CAMTA1: variants seen among roughly 807,000 people sequenced by gnomAD.
CAMTA1 encodes the protein calmodulin binding transcription activator 1.
CAMTA1 carries 27 observed loss-of-function variants against 170.9 expected under a neutral mutation model. That is an observed-to-expected ratio of 0.16 (90% confidence interval 0.12 to 0.22). The LOEUF (loss-of-function observed/expected upper bound fraction) is 0.22. Ranked by LOEUF, CAMTA1 falls within the 10% of genes least tolerant of loss-of-function variation. CAMTA1 has a pLI of 1.00. For synonymous variants in CAMTA1, 833 were observed against 891.5 expected (o/e 0.93, Z 1.17); for missense variants, 1,619 against 2,217.2 (o/e 0.73, Z 5.42).
At chr1:6,953,899 C>T (rs1476053624) in intron 3 of CAMTA1, among the ~76,000 whole-genome samples, 1 of 152,144 alleles carries the variant, frequency 6.6e-6, no homozygotes, top group East Asian at 1.9e-4. Context: ...GGAGAAGCCG[C>T]AGTCTTTCAG....
rs373405924 is a variant in CAMTA1 at position 6,968,350 on chromosome 1, G to A, written c.235-122954G>A. Among the ~76,000 whole-genome samples the A allele has an allele frequency of 8.5e-5, 13 of 152,236 alleles. No homozygotes were observed. The South Asian group carries it at 2.3e-3, about 27-fold the overall frequency. On this transcript the variant is annotated intron_variant, in intron 3 of 22. Transcript: ENST00000303635. ...GAAGGATGGCCCTTGCCCCTCTCCC[G>A]TCCTTTATTTGGTTGGAAAGATCAT...
Position 7,041,296 on chromosome 1 carries a change from C to T in CAMTA1, c.235-50008C>T, listed in dbSNP as rs1704420693. ...CAGAGGGGCTCAGAGCCAGTCCAGT[C>T]AGACCTGCGAGGCCTGGGCTGTGGC... On this transcript the variant is annotated intron_variant, in intron 3 of 22. Transcript: ENST00000303635. This position sits in a 1 kb window ranked among gnomAD's most constrained non-coding sequence, Gnocchi z 5.1. 6.6e-6 allele frequency among the ~76,000 whole-genome samples: 1 copy of T among 152,234 alleles called. No individual in the cohort carries two copies. Among genetic ancestry groups the T allele is most frequent in the African/African-American group, 2.4e-5 (1 of 41,456 alleles).
In CAMTA1 at chr1:7,111,737, T is replaced by C. The variant is rs535141683; in HGVS notation, c.302+20366T>C. On this transcript the variant is annotated intron_variant, in intron 4 of 22. Coordinates refer to ENST00000303635, the MANE Select transcript of CAMTA1 (RefSeq NM_015215.4). Reference sequence around the variant, plus strand: ...CATCTCTACTAAAAATACAAAAAATTAGCCAGGCGTGGTGGCACATGCCTG... The same window carrying C: ...CATCTCTACTAAAAATACAAAAAATCAGCCAGGCGTGGTGGCACATGCCTG... 2.3e-4 allele frequency among the ~76,000 whole-genome samples: 35 copies of C among 151,926 alleles called. No homozygotes were observed. In the South Asian group the frequency reaches 7.3e-3, roughly 32 times the overall value.
chr1:6,832,298 A>G (rs977000777), intron 3 of CAMTA1, among the ~76,000 whole-genome samples: 2 of 152,076 alleles, frequency 1.3e-5, no homozygotes, highest in Non-Finnish European at 2.9e-5. Flanking sequence ...GGCCCATCCA[A>G]ACAACTGAGC....
At chr1:7,407,778 C>G (rs1197959907) in intron 5 of CAMTA1, among the ~76,000 whole-genome samples, 1 of 152,080 alleles carries the variant, frequency 6.6e-6, no homozygotes, top group African/African-American at 2.4e-5. Flanking sequence ...ATGCCCAGGC[C>G]AAGGTCCAGG....
intron 6 of CAMTA1, among the ~76,000 whole-genome samples, chr1:7,549,965 C>G (rs907364387): frequency 6.6e-6 from 1 of 151,946 alleles, no homozygotes; most frequent in African/African-American, 2.4e-5. Context: ...AGGTTAGGGG[C>G]TCTGGTGCTC....
chr1:7,206,148 G>A (rs1206856623), intron 4 of CAMTA1, among the ~76,000 whole-genome samples: 3 of 152,096 alleles, frequency 2.0e-5, no homozygotes, highest in Non-Finnish European at 4.4e-5. Flanking sequence ...TTCCCATTGA[G>A]GCTTTTCTGT....
At chr1:7,215,167 T>TA (rs397781325) in intron 4 of CAMTA1, among the ~76,000 whole-genome samples, 7 of 151,854 alleles carry the variant, frequency 4.6e-5, no homozygotes, top group South Asian at 2.1e-4. Flanking sequence ...TCCTATTTTT[T>TA]AAAAAAAAGA....
intron 4 of CAMTA1, among the ~76,000 whole-genome samples, chr1:7,168,734 A>G (rs1649010083): frequency 1.3e-5 from 2 of 152,248 alleles, no homozygotes; most frequent in Non-Finnish European, 1.5e-5. Context: ...CTGCACAGTA[A>G]TGCAAGAACA....
At chr1:6,925,549 G>T (rs547384988) in intron 3 of CAMTA1, among the ~76,000 whole-genome samples, 1 of 152,208 alleles carries the variant, frequency 6.6e-6, no homozygotes, top group South Asian at 2.1e-4. Context: ...TCCCCTCGGC[G>T]CCTTGGAGTA....
At chr1:7,270,298 T>C (rs1402769516) in intron 5 of CAMTA1, among the ~76,000 whole-genome samples, 1 of 146,326 alleles carries the variant, frequency 6.8e-6, no homozygotes, top group Non-Finnish European at 1.5e-5. Context: ...TATATTTTTT[T>C]TTTTTTTTCT....
chr1:6,926,438 C>CTCTCTCTTTCTTTCTT (rs1553187940), intron 3 of CAMTA1, among the ~76,000 whole-genome samples: 1 of 126,088 alleles, frequency 7.9e-6, no homozygotes, highest in East Asian at 2.3e-4. Flanking sequence ...TCTTTCTTTT[C>CTCTCTCTTTCTTTCTT]TCTTTCTTTC....
At chr1:7,277,361 C>T (rs34190545) in intron 5 of CAMTA1, among the ~76,000 whole-genome samples, 59,932 of 151,900 alleles carry the variant, frequency 0.39, 12,258 homozygotes, top group East Asian at 0.6. Flanking sequence ...ACTGGTATCA[C>T]TGAGTTGATA....
In CAMTA1 at chr1:7,768,005, A is replaced by G. The variant is rs1301937344; in HGVS notation, c.*1514A>G. 1 of 152,554 alleles carries G rather than the reference A, an allele frequency of 6.6e-6. No individual in the cohort carries two copies. The highest frequency in any genetic ancestry group is 1.5e-5 in the Non-Finnish European group (1 of 67,998). 9.5% of individuals were successfully genotyped at this position (152,554 alleles called of 1,614,324 possible). On this transcript the variant is annotated 3_prime_UTR_variant, in exon 23 of 23. Transcript: ENST00000303635. ...ATGGTGCCAAGTAATGTGAATGCTA[A>G]TACTGCTTAAGAAAATTAAGTTACT...
chr1:7,276,303 A>ATATATATATATTTTTTTTTT, intron 5 of CAMTA1, among the ~76,000 whole-genome samples: 1 of 24,232 alleles, frequency 4.1e-5, no homozygotes, highest in African/African-American at 3.0e-4. Context: ...ATATATATAT[A>ATATATATATATTTTTTTTTT]TTTTTTTTTT....
intron 3 of CAMTA1, among the ~76,000 whole-genome samples, chr1:6,875,646 G>T (rs972889935): frequency 6.6e-6 from 1 of 152,052 alleles, no homozygotes; most frequent in Admixed American, 6.5e-5. Context: ...TTCAACAACC[G>T]CCCCTCTTCC....
In CAMTA1 at chr1:7,664,132, A is replaced by G; in HGVS notation, c.1585A>G (p.Thr529Ala). The G allele has an allele frequency of 6.2e-7, 1 of 1,613,310 alleles. No individual in the cohort carries two copies. The highest frequency in any genetic ancestry group is 1.7e-5 in the Admixed American group (1 of 60,026). The change falls in exon 9 of 23, where the codon ACC (threonine) becomes GCC (alanine). Residue 529 changes from threonine (T) to alanine (A), a missense_variant. By Grantham distance (58) the Thr-to-Ala change is moderately conservative. Around this residue, in one of 8 missense-constraint regions of CAMTA1, gnomAD observed 731 missense variants for 907.6 expected, o/e 0.81. Coordinates refer to ENST00000303635, the MANE Select transcript of CAMTA1 (RefSeq NM_015215.4). Reference protein sequence around the residue: ...ERSFSFTTVLTKEIKTEDTSF... With the variant: ...ERSFSFTTVLAKEIKTEDTSF... Reference sequence around the variant, plus strand: ...GAGCTTCAGCTTTACCACCGTCCTCACCAAGGAGATCAAGACCGAGGACAC... The same window carrying G: ...GAGCTTCAGCTTTACCACCGTCCTCGCCAAGGAGATCAAGACCGAGGACAC...
chr1:7,635,345 C>T lies in CAMTA1; in HGVS notation c.511-5055C>T, dbSNP rs1375930102. Among the ~76,000 whole-genome samples, 1 of 152,144 alleles carries T rather than the reference C, an allele frequency of 6.6e-6. No homozygotes were observed. The highest frequency in any genetic ancestry group is 2.4e-5 in the African/African-American group (1 of 41,430). On this transcript the variant is annotated intron_variant, in intron 6 of 22. Transcript: ENST00000303635. The surrounding 1 kb of genome is among the most constrained non-coding windows in gnomAD (Gnocchi z 4.4). Reference sequence around the variant, plus strand: ...GATCCGGGCCGGGCGTGGTGGCTCACGCCTGTAATCCCAGCACTTTGGAAG... The same window carrying T: ...GATCCGGGCCGGGCGTGGTGGCTCATGCCTGTAATCCCAGCACTTTGGAAG...
intron 3 of CAMTA1, among the ~76,000 whole-genome samples, chr1:7,047,195 G>A (rs1705527277): frequency 6.6e-6 from 1 of 152,232 alleles, no homozygotes; most frequent in Non-Finnish European, 1.5e-5. Flanking sequence ...GATGTGTGGT[G>A]TGAACAAGTG....
Sources: allele counts gnomAD v4.1 joint callset (sites outside exome capture counted in the v4.1 genomes callset), GRCh38; gene constraint gnomAD v4.1.1; regional missense constraint gnomAD v4.1.1; non-coding constraint Gnocchi (gnomAD v3.1); transcripts MANE v1.5; gene names NCBI Gene and HGNC (gene_info 2026-07-23, HGNC 2026-07-21).